The following ANO5 variants were observed in gnomAD, a reference collection of about 807,000 sequenced individuals.
ANO5 encodes anoctamin-5.
In ANO5, 109 loss-of-function variants were observed where a neutral mutation model predicts 121.0. The observed-to-expected ratio is 0.90, with a 90% CI of 0.77 to 1.06. The LOEUF (loss-of-function observed/expected upper bound fraction) is 1.06. Ranked by LOEUF, ANO5 falls within the 50% of genes least tolerant of loss-of-function variation. The probability of loss-of-function intolerance (pLI) is 0.00; values close to 1 mark genes in which losing one functional copy is unlikely to be tolerated. For missense variants in ANO5, 1,064 were observed against 1,078.5 expected (o/e 0.99, Z 0.19); for synonymous variants, 406 against 359.9 (o/e 1.13, Z -1.45).
At chr11:22,243,242 G>A (rs577990112) in intron 9 of ANO5, among the ~76,000 whole-genome samples, 1 of 152,152 alleles carries the variant, frequency 6.6e-6, no homozygotes, top group South Asian at 2.1e-4. Flanking sequence ...TGTTGAATCA[G>A]CCTTGCATCT....
intron 9 of ANO5, among the ~76,000 whole-genome samples, chr11:22,249,217 T>C (rs1343008042): frequency 1.3e-5 from 2 of 151,970 alleles, no homozygotes; most frequent in Non-Finnish European, 2.9e-5. Context: ...ATATGAAGAA[T>C]GGGATGTTCA....
At chr11:22,216,838 A>G (rs927965620) in intron 3 of ANO5, among the ~76,000 whole-genome samples, 1 of 151,854 alleles carries the variant, frequency 6.6e-6, no homozygotes, top group African/African-American at 2.4e-5. Flanking sequence ...TCTGTGATCC[A>G]TGGAAGTCAT....
chr11:22,260,463 C>T (rs1371801752), intron 15 of ANO5, among the ~76,000 whole-genome samples: 1 of 152,114 alleles, frequency 6.6e-6, no homozygotes, highest in Non-Finnish European at 1.5e-5. Context: ...AGCAAAAGAC[C>T]ACATTATTCA....
chr11:22,230,492 A>T (rs1209820575), intron 7 of ANO5, among the ~76,000 whole-genome samples: 2 of 152,144 alleles, frequency 1.3e-5, no homozygotes, highest in South Asian at 4.1e-4. Context: ...ATCCCAACAC[A>T]GTTGCTTTTT....
chr11:22,250,475 T>C, intron 10 of ANO5, 104 bp downstream of exon 10: 1 of 1,467,136 alleles, frequency 6.8e-7, no homozygotes, highest in Non-Finnish European at 9.4e-7. Context: ...TGTTTCCTTA[T>C]AGCAGCAGAT....
At chr11:22,262,548 C>A (rs950469154) in intron 16 of ANO5, among the ~76,000 whole-genome samples, 2 of 152,140 alleles carry the variant, frequency 1.3e-5, no homozygotes, top group Non-Finnish European at 1.5e-5. Context: ...GACATAAGTT[C>A]TTTATTCCTG....
At chr11:22,245,042 T>C (rs1853573326) in intron 9 of ANO5, among the ~76,000 whole-genome samples, 1 of 152,214 alleles carries the variant, frequency 6.6e-6, no homozygotes, top group Non-Finnish European at 1.5e-5. Flanking sequence ...TTGGCTTCAT[T>C]ACTGGGTGCT....
intron 5 of ANO5, among the ~76,000 whole-genome samples, chr11:22,222,528 C>T (rs148034679): frequency 6.6e-6 from 1 of 151,902 alleles, no homozygotes; most frequent in South Asian, 2.1e-4. Flanking sequence ...GATCCACATT[C>T]TTCCTCTTTC....
At chr11:22,203,956 G>T in intron 2 of ANO5, 106 bp downstream of exon 2, 1 of 699,192 alleles carries the variant, frequency 1.4e-6, no homozygotes. Context: ...ATTCTATTAT[G>T]CCCTCTAATT....
chr11:22,218,152 T>TAAAA, intron 3 of ANO5, 94 bp from the exon 4 acceptor site: 1 of 797,882 alleles, frequency 1.3e-6, no homozygotes, highest in Non-Finnish European at 1.9e-6. Flanking sequence ...TATAAAATGA[T>TAAAA]CATACCAAGG....
At position 22,281,369 on chromosome 11, in the gene ANO5, CTA is replaced by C. The variant is rs1254982887; in HGVS notation, c.*1606_*1607del. Reference sequence around the variant, plus strand: ...AACTGGGGATTATGGATTTTATAAACTATGAGACAGTCACCCCAGTTTGGACT... The same window carrying C: ...AACTGGGGATTATGGATTTTATAAACTGAGACAGTCACCCCAGTTTGGACT... On this transcript the variant is annotated 3_prime_UTR_variant, in exon 22 of 22. Transcript: ENST00000324559. 5.3e-5 allele frequency: 8 copies of C among 151,990 alleles called. No individual in the cohort carries two copies. The highest frequency in any genetic ancestry group is 1.9e-4 in the African/African-American group (8 of 41,434). 9.4% of individuals were successfully genotyped at this position (151,990 alleles called of 1,614,324 possible).
At chr11:22,219,458 T>G (rs1852567733) in intron 4 of ANO5, among the ~76,000 whole-genome samples, 1 of 152,080 alleles carries the variant, frequency 6.6e-6, no homozygotes, top group South Asian at 2.1e-4. Flanking sequence ...CAAGTACCTG[T>G]AAATATATTA....
chr11:22,227,159 C>T, intron 6 of ANO5, 143 bp from the exon 7 acceptor site: 2 of 1,116,398 alleles, frequency 1.8e-6, no homozygotes, highest in Admixed American at 2.3e-5. Flanking sequence ...TTTGTTTTCT[C>T]AAAGTTTTGC....
chr11:22,205,311 T>A (rs932079121), intron 2 of ANO5, among the ~76,000 whole-genome samples: 1 of 152,056 alleles, frequency 6.6e-6, no homozygotes, highest in South Asian at 2.1e-4. Flanking sequence ...TAAGTTTATG[T>A]ATGCAACAAA....
At chr11:22,220,446 G>C (rs1009089630) in intron 4 of ANO5, among the ~76,000 whole-genome samples, 12 of 151,656 alleles carry the variant, frequency 7.9e-5, no homozygotes, top group Admixed American at 1.3e-4. Context: ...AGTTGAACTT[G>C]TTAAGTGTAA....
chr11:22,228,060 C>G (rs1364614355), intron 7 of ANO5, among the ~76,000 whole-genome samples: 2 of 151,968 alleles, frequency 1.3e-5, no homozygotes, highest in African/African-American at 4.8e-5. Flanking sequence ...TTTCTGCCTT[C>G]TAAATAGTCT....
chr11:22,196,801 G>A (rs903038908), intron 1 of ANO5, among the ~76,000 whole-genome samples: 38 of 151,800 alleles, frequency 2.5e-4, no homozygotes, highest in African/African-American at 8.4e-4. Flanking sequence ...CCTGGGAGGC[G>A]TACGTTGCAG....
chr11:22,192,580 T>A (rs1851682734), upstream of ANO5, among the ~76,000 whole-genome samples: 1 of 152,030 alleles, frequency 6.6e-6, no homozygotes, highest in Non-Finnish European at 1.5e-5. Context: ...GAGGGACTTT[T>A]CCCCACGAGA....
rs1294495622 is a variant in ANO5 at position 22,270,413 on chromosome 11, T to A, written c.2000T>A (p.Leu667His). 4 of 1,614,060 alleles carry A rather than the reference T, an allele frequency of 2.5e-6. No homozygotes were observed. ...CATGACCTTGAAAGTTTTGGACCCCTTGGGCTTTTCTATGAGTACTTAGAA... is the reference window on the plus strand; with the variant it reads ...CATGACCTTGAAAGTTTTGGACCCCATGGGCTTTTCTATGAGTACTTAGAA... ...QDHDLESFGP[L>H]GLFYEYLETV... The change falls in exon 18 of 22, where the codon CTT becomes CAT. Residue 667 changes from leucine to histidine, a missense_variant. Coordinates refer to ENST00000324559, the MANE Select transcript of ANO5 (RefSeq NM_213599.3).
Sources: allele counts gnomAD v4.1 joint callset (sites outside exome capture counted in the v4.1 genomes callset), GRCh38; gene constraint gnomAD v4.1.1; transcripts MANE v1.5; gene names NCBI Gene and HGNC (gene_info 2026-07-23, HGNC 2026-07-21).